The following WDR70 variants were observed in gnomAD, a reference collection of about 807,000 sequenced individuals.
WDR70 encodes WD repeat domain 70, also known as WD repeat-containing protein 70.
A neutral mutation model predicts 88.6 loss-of-function variants in WDR70; 53 were observed. That is an observed-to-expected ratio of 0.60 (90% confidence interval 0.48 to 0.75). The LOEUF (loss-of-function observed/expected upper bound fraction) is 0.75, where lower values mean the gene tolerates loss of function less well. Ranked by LOEUF, WDR70 falls within the 30% of genes least tolerant of loss-of-function variation. The pLI, the probability that WDR70 is intolerant of heterozygous loss-of-function variation, is 0.00. For missense variants in WDR70, 610 were observed against 823.2 expected (o/e 0.74, Z 3.17); for synonymous variants, 280 against 270.0 (o/e 1.04, Z -0.36).
chr5:37,621,362 C>T (rs1350505563), intron 10 of WDR70, among the ~76,000 whole-genome samples: 7 of 152,078 alleles, frequency 4.6e-5, no homozygotes, highest in Admixed American at 2.0e-4. Flanking sequence ...AGCATACAGT[C>T]GTTGATATTT....
At chr5:37,694,193 A>G (rs1489250663) in intron 10 of WDR70, among the ~76,000 whole-genome samples, 1 of 152,200 alleles carries the variant, frequency 6.6e-6, no homozygotes, top group African/African-American at 2.4e-5. Flanking sequence ...AAAAGTCAGG[A>G]AACAACAGAT....
chr5:37,562,281 G>A (rs767176796), intron 9 of WDR70, among the ~76,000 whole-genome samples: 5 of 152,028 alleles, frequency 3.3e-5, no homozygotes, highest in East Asian at 3.9e-4. Flanking sequence ...TGCTTGAACC[G>A]GGAGGCAGAG....
At chr5:37,520,177 C>T (rs535408685) in intron 9 of WDR70, among the ~76,000 whole-genome samples, 1 of 152,076 alleles carries the variant, frequency 6.6e-6, no homozygotes, top group South Asian at 2.1e-4. Context: ...CTTTTTTATT[C>T]TTAGGTTATT....
intron 8 of WDR70, among the ~76,000 whole-genome samples, chr5:37,496,512 C>T (rs992178766): frequency 1.2e-4 from 19 of 152,196 alleles, no homozygotes; most frequent in African/African-American, 4.6e-4. Context: ...GGGTCCATGG[C>T]TTCATGTTTG....
chr5:37,516,368 T>C, intron 8 of WDR70, 146 bp from the exon 9 acceptor site: 1 of 476,092 alleles, frequency 2.1e-6, no homozygotes, highest in Non-Finnish European at 3.8e-6. Context: ...AAAATTGGGA[T>C]AAAATAATAT....
intron 17 of WDR70, among the ~76,000 whole-genome samples, chr5:37,749,992 T>C (rs1191567583): frequency 6.6e-6 from 1 of 152,192 alleles, no homozygotes; most frequent in Non-Finnish European, 1.5e-5. Context: ...TTTAGTTTCT[T>C]TACAAATCAA....
At chr5:37,602,637 A>C (rs1254681532) in intron 9 of WDR70, among the ~76,000 whole-genome samples, 8 of 150,860 alleles carry the variant, frequency 5.3e-5, no homozygotes, top group Non-Finnish European at 1.0e-4. Flanking sequence ...AAAAAAAAGA[A>C]AAAAAAAAGG....
At chr5:37,390,452 G>A (rs927080488) in intron 3 of WDR70, among the ~76,000 whole-genome samples, 3 of 150,182 alleles carry the variant, frequency 2.0e-5, no homozygotes, top group Non-Finnish European at 4.4e-5. Flanking sequence ...CCATTCTCTT[G>A]CCTCAGCCTC....
chr5:37,544,361 A>C (rs1741924091), intron 9 of WDR70, among the ~76,000 whole-genome samples: 2 of 152,168 alleles, frequency 1.3e-5, no homozygotes, highest in Non-Finnish European at 2.9e-5. Context: ...ATTGATACAA[A>C]TTATCCTCTC....
chr5:37,744,060 G>A (rs1748569715), intron 17 of WDR70, among the ~76,000 whole-genome samples: 1 of 152,188 alleles, frequency 6.6e-6, no homozygotes, highest in Non-Finnish European at 1.5e-5. Flanking sequence ...CCCAGAAGAA[G>A]GAGGAGGCAC....
At chr5:37,515,493 G>A (rs1464245994) in intron 8 of WDR70, among the ~76,000 whole-genome samples, 1 of 152,138 alleles carries the variant, frequency 6.6e-6, no homozygotes, top group Non-Finnish European at 1.5e-5. Context: ...TTCAATTCAT[G>A]CCTCCCACAT....
At chr5:37,456,297 G>A (rs1738839588) in intron 7 of WDR70, among the ~76,000 whole-genome samples, 1 of 152,062 alleles carries the variant, frequency 6.6e-6, no homozygotes, top group Admixed American at 6.6e-5. Flanking sequence ...CATTCAGTTG[G>A]GTATGTAGTG....
chr5:37,682,013 T>C (rs775082573), intron 10 of WDR70, among the ~76,000 whole-genome samples: 2 of 152,120 alleles, frequency 1.3e-5, no homozygotes, highest in Non-Finnish European at 2.9e-5. Flanking sequence ...TGGTACTAAC[T>C]CTTCTTGTAC....
chr5:37,437,933 CA>C lies in WDR70; in HGVS notation c.506del (p.Lys169ArgfsTer8). 6.2e-7 allele frequency: 1 copy of C among 1,608,198 alleles called. No homozygotes were observed. Among genetic ancestry groups the C allele is most frequent in the Non-Finnish European group, 8.5e-7 (1 of 1,177,030 alleles). ...TTTTCTTGTTTCAGAATCCTGTTCA[CA>C]AGATTCCTGACTCGCATGAGATAAC... is the stretch of plus-strand genomic sequence containing the variant. ...EEEEEENPVH[K>X]IPDSHEITLK... On this transcript the variant is annotated frameshift_variant, in exon 6 of 18. Coordinates refer to ENST00000265107, the MANE Select transcript of WDR70 (RefSeq NM_018034.4). LOFTEE classifies it high-confidence loss of function.
At chr5:37,383,504 CGCCCGCCTCG>C (rs1748497628) in intron 3 of WDR70, among the ~76,000 whole-genome samples, 1 of 152,016 alleles carries the variant, frequency 6.6e-6, no homozygotes, top group Admixed American at 6.6e-5. Context: ...TCAGGTGATC[CGCCCGCCTCG>C]GCCTCCCAAA....
At chr5:37,740,906 C>G (rs1436170753) in intron 17 of WDR70, among the ~76,000 whole-genome samples, 3 of 152,220 alleles carry the variant, frequency 2.0e-5, no homozygotes, top group Non-Finnish European at 4.4e-5. Context: ...ACTGCTCACT[C>G]TGGTCCACCA....
At chr5:37,551,548 T>C (rs1742145494) in intron 9 of WDR70, among the ~76,000 whole-genome samples, 2 of 151,432 alleles carry the variant, frequency 1.3e-5, no homozygotes, top group Non-Finnish European at 2.9e-5. Flanking sequence ...GCCAACATGG[T>C]GAAACCCTGT....
At chr5:37,474,038 A>G (rs199527909) in intron 7 of WDR70, among the ~76,000 whole-genome samples, 1 of 152,120 alleles carries the variant, frequency 6.6e-6, no homozygotes, top group Non-Finnish European at 1.5e-5. Flanking sequence ...TATTTTCATT[A>G]TCATTCAGTT....
intron 7 of WDR70, among the ~76,000 whole-genome samples, chr5:37,444,047 G>T (rs1030309414): frequency 6.6e-6 from 1 of 151,736 alleles, no homozygotes; most frequent in African/African-American, 2.4e-5. Context: ...TACTTCGGAG[G>T]CTGAGGCAGG....
Sources: allele counts gnomAD v4.1 joint callset (sites outside exome capture counted in the v4.1 genomes callset), GRCh38; gene constraint gnomAD v4.1.1; transcripts MANE v1.5; gene names NCBI Gene and HGNC (gene_info 2026-07-23, HGNC 2026-07-21).